The following ALG9 variants were observed in gnomAD, a reference collection of about 807,000 sequenced individuals.
ALG9 encodes ALG9 alpha-1,2-mannosyltransferase.
A neutral mutation model predicts 81.8 loss-of-function variants in ALG9; 55 were observed. The ratio of observed to expected loss-of-function variants is 0.67; its 90% CI spans 0.54 to 0.84. ALG9 has a LOEUF of 0.84. Among genes scored for constraint, ALG9 ranks in the 40% least tolerant of loss-of-function variants. ALG9 has a pLI of 0.00. For synonymous variants in ALG9, 278 were observed against 274.3 expected, an observed-to-expected ratio of 1.01 and a Z score of -0.13; for missense variants, 629 against 745.0, an observed-to-expected ratio of 0.84 and a Z score of 1.81.
chr11:111,865,318 A>G, intron 3 of ALG9, 67 bp from the exon 4 acceptor site: 3 of 1,194,952 alleles, frequency 2.5e-6, no homozygotes, highest in Non-Finnish European at 3.6e-6. Context: ...ATAAACATGA[A>G]CCACTCTCAT....
rs368020942 is a variant in ALG9 at position 111,839,800 on chromosome 11, A to G, written c.1173+855T>C. ...TTATTTTTTAAAACTATCACCTAAT[A>G]TTGATGAACCTTGAAAACATTATGT... On this transcript the variant is annotated intron_variant, in intron 10 of 14. Transcript: ENST00000616540. Among the ~76,000 whole-genome samples the G allele has an allele frequency of 2.0e-5, 3 of 152,290 alleles. No individual in the cohort carries two copies. In the South Asian group the frequency reaches 6.2e-4, roughly 32 times the overall value.
chr11:111,812,760 T>A (rs1182543311), intron 13 of ALG9, among the ~76,000 whole-genome samples: 1 of 151,302 alleles, frequency 6.6e-6, no homozygotes, highest in African/African-American at 2.4e-5. Flanking sequence ...CTACTAAAAA[T>A]ATAAAAATTA....
intron 13 of ALG9, among the ~76,000 whole-genome samples, chr11:111,822,299 CT>C (rs1555104677): frequency 2.0e-5 from 3 of 149,720 alleles, no homozygotes; most frequent in Non-Finnish European, 4.4e-5. Flanking sequence ...GTTCCAGCTA[CT>C]CGAGAGGCTG....
chr11:111,801,109 A>G (rs561470061), intron 14 of ALG9, among the ~76,000 whole-genome samples: 1 of 152,358 alleles, frequency 6.6e-6, no homozygotes, highest in Non-Finnish European at 1.5e-5. Flanking sequence ...TGAATGGACC[A>G]TTATTTCTCA....
At chr11:111,853,348 C>T (rs1958124567) in intron 8 of ALG9, 32 bp downstream of exon 8, 1 of 1,536,558 alleles carries the variant, frequency 6.5e-7, no homozygotes, top group Admixed American at 1.7e-5. Flanking sequence ...AAGCTATCTC[C>T]TAACACTTGC....
chr11:111,789,370 G>A (rs182299760), intron 14 of ALG9, among the ~76,000 whole-genome samples: 35 of 151,966 alleles, frequency 2.3e-4, no homozygotes, highest in African/African-American at 8.4e-4. Context: ...TCCCACCTCA[G>A]CTTCCTGAGT....
Position 111,871,220 on chromosome 11 carries a change from A to C in ALG9, c.131+132T>G. ...CAGGAAGACCAATAGGACCTAGCTGAAGAGGGAGCTCGGGCCTCCCGCGGT... is the reference window on the plus strand; with the variant it reads ...CAGGAAGACCAATAGGACCTAGCTGCAGAGGGAGCTCGGGCCTCCCGCGGT... On this transcript the variant is annotated intron_variant, in intron 1 of 14. Transcript: ENST00000616540. 2.3e-6 allele frequency: 3 copies of C among 1,312,924 alleles called. No homozygotes were observed. The South Asian group carries it at 6.7e-5, about 29-fold the overall frequency. 81.3% of individuals were successfully genotyped at this position (1,312,924 alleles called of 1,614,324 possible).
chr11:111,802,361 A>T (rs1197253286), intron 14 of ALG9, among the ~76,000 whole-genome samples: 1 of 152,240 alleles, frequency 6.6e-6, no homozygotes, highest in Non-Finnish European at 1.5e-5. Flanking sequence ...CAATAAAAAC[A>T]GACAACTACT....
intron 14 of ALG9, among the ~76,000 whole-genome samples, chr11:111,790,560 A>C (rs1947246573): frequency 1.3e-5 from 2 of 152,236 alleles, no homozygotes; most frequent in African/African-American, 2.4e-5. Flanking sequence ...GCTAAAACAA[A>C]GGTAAAAAAT....
chr11:111,864,055 G>T (rs1186980602), intron 4 of ALG9, among the ~76,000 whole-genome samples: 5 of 152,100 alleles, frequency 3.3e-5, no homozygotes, highest in African/African-American at 4.8e-5. Flanking sequence ...CAGGTGATGG[G>T]TGCATCAAAA....
intron 14 of ALG9, among the ~76,000 whole-genome samples, chr11:111,787,240 G>T (rs1391424825): frequency 6.6e-6 from 1 of 151,946 alleles, no homozygotes; most frequent in Non-Finnish European, 1.5e-5. Context: ...AGACCAGCCA[G>T]ACCAACATGG....
rs1326316557 is a variant in ALG9, at chr11:111,784,293, C to T, written c.*2104G>A. ...TATTACCTCTCCAGCGCTTCAACTCCGTCTCTGATATTCCTGCAGAGGAGA... is the reference window on the plus strand; with the variant it reads ...TATTACCTCTCCAGCGCTTCAACTCTGTCTCTGATATTCCTGCAGAGGAGA... On this transcript the variant is annotated 3_prime_UTR_variant, in exon 15 of 15. Coordinates refer to ENST00000616540, the MANE Select transcript of ALG9 (RefSeq NM_024740.2). 2.0e-5 allele frequency: 3 copies of T among 152,374 alleles called. No individual in the cohort carries two copies. Among genetic ancestry groups the T allele is most frequent in the South Asian group, 2.1e-4 (1 of 4,828 alleles). 9.4% of individuals were successfully genotyped at this position (152,374 alleles called of 1,614,324 possible).
intron 6 of ALG9, among the ~76,000 whole-genome samples, chr11:111,854,407 T>C (rs914051677): frequency 4.6e-5 from 7 of 151,788 alleles, no homozygotes; most frequent in Admixed American, 3.9e-4. Flanking sequence ...TAACTGGGAC[T>C]ACAGGTGTGC....
rs781847191 is a variant in ALG9, at chr11:111,783,948, C to A, written c.*2449G>T. The A allele has an allele frequency of 1.2e-5, 1 of 82,370 alleles. No individual in the cohort carries two copies. The highest frequency in any genetic ancestry group is 1.5e-4 in the Admixed American group (1 of 6,790). The allele number at this position is 82,370 out of a possible 1,614,324, so 5.1% of individuals were successfully genotyped here. On this transcript the variant is annotated 3_prime_UTR_variant, in exon 15 of 15. Coordinates refer to ENST00000616540, the MANE Select transcript of ALG9 (RefSeq NM_024740.2). ...TTAAAAAAAAAAAAAAACAAGATGACAAAACAGATAAAACAGCATTATACT... is the reference window on the plus strand; with the variant it reads ...TTAAAAAAAAAAAAAAACAAGATGAAAAAACAGATAAAACAGCATTATACT...
At chr11:111,811,050 G>T (rs1008251054) in intron 13 of ALG9, among the ~76,000 whole-genome samples, 1 of 152,174 alleles carries the variant, frequency 6.6e-6, no homozygotes. Flanking sequence ...TGATATAATG[G>T]TCCAAAAGAC....
intron 1 of ALG9, 32 bp from the exon 2 acceptor site, chr11:111,870,402 A>AAAAAC: frequency 6.6e-7 from 1 of 1,511,214 alleles, no homozygotes; most frequent in Non-Finnish European, 8.8e-7. Flanking sequence ...AAAAAAAAAA[A>AAAAAC]AAGCATGTCA....
chr11:111,859,012 C>T (rs1555145649), intron 5 of ALG9, among the ~76,000 whole-genome samples: 1 of 152,138 alleles, frequency 6.6e-6, no homozygotes, highest in Admixed American at 6.6e-5. Flanking sequence ...TTGAGACCAG[C>T]CTGGGCAACA....
At chr11:111,777,052 G>C in the ALG9 span, among the ~76,000 whole-genome samples, 1 of 152,138 alleles carries the variant, frequency 6.6e-6, no homozygotes, top group East Asian at 1.9e-4. Context: ...GTAAAGTTAG[G>C]ACTTTGTATG....
At chr11:111,824,390 C>A (rs1952895535) in intron 13 of ALG9, among the ~76,000 whole-genome samples, 1 of 152,140 alleles carries the variant, frequency 6.6e-6, no homozygotes, top group Non-Finnish European at 1.5e-5. Context: ...GTCAAAATCT[C>A]CATTTTTTTC....
Sources: gnomAD v4.1 joint callset for allele counts (sites outside exome capture counted in the v4.1 genomes callset) on GRCh38, gnomAD v4.1.1 for gene constraint, MANE v1.5 for transcripts, NCBI Gene and HGNC (gene_info 2026-07-23, HGNC 2026-07-21) for gene names.